The following ZNF277 variants were observed in gnomAD, a reference collection of about 807,000 sequenced individuals.
ZNF277 encodes nuclear receptor-interacting factor 4.
A neutral mutation model predicts 60.7 loss-of-function variants in ZNF277; 55 were observed. That is an observed-to-expected ratio of 0.91 (90% CI 0.73 to 1.13). ZNF277 has a LOEUF of 1.13. ZNF277 is among the 50% of genes most tolerant of loss of function. The pLI, the probability that ZNF277 is intolerant of heterozygous loss-of-function variation, is 0.00. For synonymous variants in ZNF277, 178 were observed against 179.3 expected, an observed-to-expected ratio of 0.99 and a Z score of 0.06; for missense variants, 510 against 523.0, an observed-to-expected ratio of 0.98 and a Z score of 0.24.
chr7:112,238,144 C>T (rs976791135), intron 1 of ZNF277, among the ~76,000 whole-genome samples: 2 of 152,142 alleles, frequency 1.3e-5, no homozygotes, highest in Admixed American at 6.5e-5. Flanking sequence ...ATCACATCAA[C>T]GAAAAAGGCA....
intron 6 of ZNF277, among the ~76,000 whole-genome samples, chr7:112,329,517 T>C (rs992007696): frequency 6.6e-6 from 1 of 152,188 alleles, no homozygotes; most frequent in East Asian, 1.9e-4. Flanking sequence ...TCATAGTGCA[T>C]AGTAAGTGCT....
At chr7:112,267,915 T>A (rs1173696640) in intron 1 of ZNF277, among the ~76,000 whole-genome samples, 1 of 152,144 alleles carries the variant, frequency 6.6e-6, no homozygotes, top group Non-Finnish European at 1.5e-5. Context: ...TTCTCAAGCA[T>A]CAGGAACTAA....
rs1171908060 is a variant in ZNF277 at position 112,340,963 on chromosome 7, A to C, written c.1101A>C (p.Lys367Asn). ...CRCYGCHVKF[K>N]SKADLRTHME... ...GTTATGGCTGCCATGTGAAGTTCAA[A>C]TCCAAAGCAGACTTAAGAACTCACA... is the stretch of plus-strand genomic sequence containing the variant. The change falls in exon 11 of 12, where the codon AAA (lysine) becomes AAC (asparagine). Residue 367 changes from lysine to asparagine, a missense_variant. Coordinates refer to ENST00000361822, the MANE Select transcript of ZNF277 (RefSeq NM_021994.3). 7 of 1,612,828 alleles carry C rather than the reference A, an allele frequency of 4.3e-6. No individual in the cohort carries two copies. Among genetic ancestry groups the C allele is most frequent in the Non-Finnish European group, 5.9e-6 (7 of 1,179,616 alleles).
In ZNF277 at chr7:112,254,024, C is replaced by T. The variant is rs542971053; in HGVS notation, c.92-32849C>T. ...GAAACTGCAACATCTTAAGCTCTCC[C>T]ACAGAGCATCTCTGTTAAAATAGCC... On this transcript the variant is annotated intron_variant, in intron 1 of 11. Coordinates refer to ENST00000361822, the MANE Select transcript of ZNF277 (RefSeq NM_021994.3). 8.7e-4 allele frequency among the ~76,000 whole-genome samples: 132 copies of T among 152,312 alleles called. 1 individual carries two copies. Among genetic ancestry groups the T allele is most frequent in the African/African-American group, 2.9e-3 (122 of 41,568 alleles).
chr7:112,294,202 G>A (rs1247664266), intron 2 of ZNF277, among the ~76,000 whole-genome samples: 3 of 152,154 alleles, frequency 2.0e-5, no homozygotes, highest in Non-Finnish European at 2.9e-5. Context: ...CTACCATGGG[G>A]TGGTGGGGAA....
At chr7:112,249,616 T>C (rs1449722018) in intron 1 of ZNF277, among the ~76,000 whole-genome samples, 1 of 152,108 alleles carries the variant, frequency 6.6e-6, no homozygotes, top group East Asian at 1.9e-4. Flanking sequence ...TTGCGGGAAG[T>C]CAGGGACCCC....
intron 1 of ZNF277, among the ~76,000 whole-genome samples, chr7:112,231,920 A>C (rs1005264972): frequency 2.6e-5 from 4 of 151,894 alleles, no homozygotes; most frequent in East Asian, 1.9e-4. Context: ...AGAAACAGAC[A>C]AAATAGTATT....
At chr7:112,297,734 G>T (rs780506345) in intron 4 of ZNF277, among the ~76,000 whole-genome samples, 1 of 152,120 alleles carries the variant, frequency 6.6e-6, no homozygotes, top group Non-Finnish European at 1.5e-5. Context: ...TGTTATTTGC[G>T]TGCACTTATT....
At chr7:112,281,435 G>T (rs1307812645) in intron 1 of ZNF277, among the ~76,000 whole-genome samples, 2 of 152,128 alleles carry the variant, frequency 1.3e-5, no homozygotes, top group African/African-American at 4.8e-5. Flanking sequence ...CTTGCTTACT[G>T]GGGAGTATAC....
At chr7:112,290,156 T>C (rs1792174404) in intron 2 of ZNF277, among the ~76,000 whole-genome samples, 1 of 152,170 alleles carries the variant, frequency 6.6e-6, no homozygotes, top group Admixed American at 6.6e-5. Flanking sequence ...CCTTTTATCA[T>C]ATAAACACAA....
chr7:112,252,991 A>G (rs189640988), intron 1 of ZNF277, among the ~76,000 whole-genome samples: 7 of 152,344 alleles, frequency 4.6e-5, no homozygotes, highest in African/African-American at 1.2e-4. Flanking sequence ...AAGCAGGCCT[A>G]TAAACAGGCA....
In ZNF277 at chr7:112,206,779, C is replaced by T. The variant is rs1331125690; in HGVS notation, c.63C>T (p.Cys21=). 1 of 1,613,296 alleles carries T rather than the reference C, an allele frequency of 6.2e-7. No individual in the cohort carries two copies. Among genetic ancestry groups the T allele is most frequent in the East Asian group, 2.2e-5 (1 of 44,828 alleles). The part of the protein sequence containing the change: ...ARMQEDRDGS[C]STVGGVGYGD... ...TGCAGGAAGACCGTGATGGGAGCTG[C>T]AGCACAGTCGGGGGTGTAGGTTATG... The change falls in exon 1 of 12, where the codon TGC becomes TGT. Residue 21 remains cysteine (C), a synonymous_variant. Transcript: ENST00000361822.
At chr7:112,270,039 A>G (rs905545710) in intron 1 of ZNF277, among the ~76,000 whole-genome samples, 34 of 152,094 alleles carry the variant, frequency 2.2e-4, no homozygotes, top group African/African-American at 7.7e-4. Context: ...AACCAGAGCA[A>G]TCCTAATAAA....
chr7:112,221,957 A>G (rs1190206391), intron 1 of ZNF277, among the ~76,000 whole-genome samples: 1 of 152,132 alleles, frequency 6.6e-6, no homozygotes, highest in Admixed American at 6.5e-5. Context: ...GGAGTCATAT[A>G]TTTTTTGTCC....
At chr7:112,250,372 G>C (rs926037509) in intron 1 of ZNF277, among the ~76,000 whole-genome samples, 4 of 152,182 alleles carry the variant, frequency 2.6e-5, no homozygotes, top group Admixed American at 2.6e-4. Context: ...CCTCGGTCCT[G>C]TGGTCCTGTG....
At chr7:112,327,850 C>G (rs760592436) in intron 6 of ZNF277, 23 bp downstream of exon 6, 1 of 1,444,416 alleles carries the variant, frequency 6.9e-7, no homozygotes, top group Admixed American at 2.1e-5. Context: ...TTATGAAACA[C>G]TGCCTAAAGC....
At chr7:112,330,818 A>C (rs891327922) in intron 7 of ZNF277, among the ~76,000 whole-genome samples, 4 of 152,096 alleles carry the variant, frequency 2.6e-5, no homozygotes, top group Non-Finnish European at 5.9e-5. Context: ...TCCTGGCCTC[A>C]AGTGAACCAC....
At chr7:112,313,225 T>C (rs1792770250) in intron 4 of ZNF277, among the ~76,000 whole-genome samples, 1 of 152,094 alleles carries the variant, frequency 6.6e-6, no homozygotes, top group Non-Finnish European at 1.5e-5. Flanking sequence ...TCTATTTTGC[T>C]CAAAACGTCA....
chr7:112,341,088 C>G, intron 11 of ZNF277, 42 bp downstream of exon 11: 1 of 1,507,972 alleles, frequency 6.6e-7, no homozygotes, highest in East Asian at 2.4e-5. Flanking sequence ...TACTCCAACT[C>G]TTTGATTTTG....
Sources: allele counts gnomAD v4.1 joint callset (sites outside exome capture counted in the v4.1 genomes callset), GRCh38; gene constraint gnomAD v4.1.1; transcripts MANE v1.5; gene names NCBI Gene and HGNC (gene_info 2026-07-23, HGNC 2026-07-21).